FBXL7: variants seen among roughly 807,000 people sequenced by gnomAD.
FBXL7 encodes the protein F-box/LRR-repeat protein 7.
FBXL7 carries 12 observed loss-of-function variants against 38.3 expected under a neutral mutation model. That is an observed-to-expected ratio of 0.31 (90% confidence interval 0.20 to 0.51). The LOEUF (loss-of-function observed/expected upper bound fraction) is 0.51. Ranked by LOEUF, FBXL7 falls within the 20% of genes least tolerant of loss-of-function variation. The pLI, the probability that FBXL7 is intolerant of heterozygous loss-of-function variation, is 0.98. For missense variants in FBXL7, 567 were observed against 676.4 expected (o/e 0.84, Z 1.79); for synonymous variants, 297 against 300.9 (o/e 0.99, Z 0.13).
At chr5:15,763,959 C>T (rs909481170) in intron 2 of FBXL7, among the ~76,000 whole-genome samples, 10 of 152,144 alleles carry the variant, frequency 6.6e-5, no homozygotes, top group African/African-American at 2.4e-4. Context: ...GAGCAGATGG[C>T]ATAACTTTTA....
At chr5:15,850,309 G>A (rs257744) in intron 2 of FBXL7, among the ~76,000 whole-genome samples, 81,024 of 152,034 alleles carry the variant, frequency 0.53, 22,840 homozygotes, top group Non-Finnish European at 0.64. Flanking sequence ...CTGAAAAGTA[G>A]TAATTTTGTA....
At chr5:15,707,317 A>G (rs149032159) in intron 2 of FBXL7, among the ~76,000 whole-genome samples, 196 of 152,008 alleles carry the variant, frequency 1.3e-3, no homozygotes, top group African/African-American at 4.2e-3. Context: ...TAGACTACAC[A>G]TATATCCTAT....
chr5:15,508,723 G>C (rs1026325763), intron 1 of FBXL7, among the ~76,000 whole-genome samples: 5 of 152,090 alleles, frequency 3.3e-5, no homozygotes, highest in African/African-American at 1.2e-4. Context: ...TTCTTTCTCT[G>C]TCATATTAGT....
At chr5:15,834,294 T>A (rs1738532421) in intron 2 of FBXL7, among the ~76,000 whole-genome samples, 1 of 152,248 alleles carries the variant, frequency 6.6e-6, no homozygotes, top group Non-Finnish European at 1.5e-5. Context: ...GATTATGTGA[T>A]GTTACATGTT....
chr5:15,665,291 C>T (rs1450672243), intron 2 of FBXL7, among the ~76,000 whole-genome samples: 2 of 152,200 alleles, frequency 1.3e-5, no homozygotes, highest in African/African-American at 4.8e-5. Context: ...GAAACTCTTC[C>T]TGTCTCCTGG....
At chr5:15,641,808 A>G (rs1210920005) in intron 2 of FBXL7, among the ~76,000 whole-genome samples, 3 of 152,106 alleles carry the variant, frequency 2.0e-5, no homozygotes, top group Non-Finnish European at 4.4e-5. Flanking sequence ...TTGAACTGGA[A>G]TTTACGCCAT....
In FBXL7 at chr5:15,939,041, G is replaced by T. The variant is rs1171717572; in HGVS notation, c.*1855G>T. On this transcript the variant is annotated 3_prime_UTR_variant, in exon 4 of 4. Coordinates refer to ENST00000504595, the MANE Select transcript of FBXL7 (RefSeq NM_012304.5). ...CACCCTTGACAACTGCACTCCTACTGTAGGCTCCTGTGCATACTGTCGTCT... is the reference window on the plus strand; with the variant it reads ...CACCCTTGACAACTGCACTCCTACTTTAGGCTCCTGTGCATACTGTCGTCT... The T allele has an allele frequency of 2.5e-6, 1 of 399,050 alleles. No individual in the cohort carries two copies. Among genetic ancestry groups the T allele is most frequent in the African/African-American group, 2.1e-5 (1 of 48,742 alleles). 24.7% of individuals were successfully genotyped at this position (399,050 alleles called of 1,614,324 possible).
At chr5:15,569,084 A>G (rs1013809535) in intron 1 of FBXL7, among the ~76,000 whole-genome samples, 2 of 151,952 alleles carry the variant, frequency 1.3e-5, no homozygotes, top group African/African-American at 2.4e-5. Flanking sequence ...CTCTTTTTTG[A>G]TTCCATATAA....
chr5:15,843,732 A>C (rs1738812079), intron 2 of FBXL7, among the ~76,000 whole-genome samples: 1 of 152,108 alleles, frequency 6.6e-6, no homozygotes, highest in Non-Finnish European at 1.5e-5. Context: ...AAATTTTAAA[A>C]TCTTAAAGCT....
chr5:15,922,164 A>G (rs556054515), intron 2 of FBXL7, among the ~76,000 whole-genome samples: 1 of 151,200 alleles, frequency 6.6e-6, no homozygotes, highest in South Asian at 2.1e-4. Flanking sequence ...TATATCATAT[A>G]TGTTATATAT....
At chr5:15,926,656 A>G (rs944017854) in intron 2 of FBXL7, among the ~76,000 whole-genome samples, 3 of 152,148 alleles carry the variant, frequency 2.0e-5, no homozygotes, top group African/African-American at 7.2e-5. Flanking sequence ...CTGTGTCCTT[A>G]TCAGCGATCT....
chr5:15,814,379 A>G (rs972969527), intron 2 of FBXL7, among the ~76,000 whole-genome samples: 7 of 152,156 alleles, frequency 4.6e-5, no homozygotes. Context: ...TCGAACAATG[A>G]GAACACATGG....
chr5:15,680,346 G>T (rs920072408), intron 2 of FBXL7, among the ~76,000 whole-genome samples: 1 of 152,200 alleles, frequency 6.6e-6, no homozygotes, highest in African/African-American at 2.4e-5. Context: ...TTACATGTGA[G>T]TTGAGCCCCT....
chr5:15,722,671 C>G (rs755617858), intron 2 of FBXL7, among the ~76,000 whole-genome samples: 10 of 152,064 alleles, frequency 6.6e-5, no homozygotes, highest in Non-Finnish European at 1.2e-4. Context: ...GTCTGTAATC[C>G]CAGCACTTCG....
At chr5:15,503,313 C>T (rs1267030988) in intron 1 of FBXL7, among the ~76,000 whole-genome samples, 1 of 152,126 alleles carries the variant, frequency 6.6e-6, no homozygotes. Flanking sequence ...CCTACCTACC[C>T]AGAAAGCTGA....
chr5:15,536,617 G>A (rs1477957394), intron 1 of FBXL7, among the ~76,000 whole-genome samples: 1 of 152,178 alleles, frequency 6.6e-6, no homozygotes, highest in African/African-American at 2.4e-5. Context: ...TTTGGGATGG[G>A]AGCATCTAAC....
chr5:15,520,178 G>T (rs182282368), intron 1 of FBXL7, among the ~76,000 whole-genome samples: 306 of 152,272 alleles, frequency 2.0e-3, no homozygotes, highest in Non-Finnish European at 3.3e-3. Context: ...GTGGGTTTTG[G>T]TTGGCTTCTT....
intron 2 of FBXL7, among the ~76,000 whole-genome samples, chr5:15,674,337 G>A (rs893530502): frequency 2.0e-5 from 3 of 152,192 alleles, no homozygotes; most frequent in Non-Finnish European, 4.4e-5. Flanking sequence ...GTATGTAGAT[G>A]TATGATGAAG....
intron 2 of FBXL7, among the ~76,000 whole-genome samples, chr5:15,748,585 G>A (rs1006240504): frequency 6.6e-6 from 1 of 152,178 alleles, no homozygotes; most frequent in African/African-American, 2.4e-5. Context: ...TGATTGTGAG[G>A]CCTCCCCAGC....
Sources: gnomAD v4.1 joint callset for allele counts (sites outside exome capture counted in the v4.1 genomes callset) on GRCh38, gnomAD v4.1.1 for gene constraint, MANE v1.5 for transcripts, NCBI Gene and HGNC (gene_info 2026-07-23, HGNC 2026-07-21) for gene names.